The following RAB44 variants were observed in gnomAD, a reference collection of about 807,000 sequenced individuals.
RAB44 encodes the protein ras-related protein Rab-44.
RAB44 carries 67 observed loss-of-function variants against 93.3 expected under a neutral mutation model. The ratio of observed to expected loss-of-function variants is 0.72; its 90% CI spans 0.59 to 0.88. RAB44 has a LOEUF of 0.88. Among genes scored for constraint, RAB44 ranks in the 40% least tolerant of loss-of-function variants. The pLI is 0.00. For missense variants in RAB44, 1,064 were observed against 1,261.7 expected (o/e 0.84, Z 2.37); for synonymous variants, 427 against 520.3 (o/e 0.82, Z 2.44).
At chr6:36,702,326 G>C in intron 1 of RAB44, among the ~76,000 whole-genome samples, 1 of 76,730 alleles carries the variant, frequency 1.3e-5, no homozygotes, top group Admixed American at 1.2e-4. Context: ...GAGAGAGAGA[G>C]AGAGAGAGAG....
intron 11 of RAB44, 142 bp from the exon 12 acceptor site, chr6:36,728,558 G>T (rs1763289618): frequency 4.6e-6 from 3 of 653,548 alleles, no homozygotes; most frequent in Non-Finnish European, 8.3e-6. Flanking sequence ...ATGGGGGAAA[G>T]GGTCCAGGTG....
At position 36,722,477 on chromosome 6, in the gene RAB44, T is replaced by C. The variant is rs188479306; in HGVS notation, c.2343T>C (p.Thr781=). The change falls in exon 9 of 14, where the codon ACT becomes ACC. Residue 781 remains threonine (T), a synonymous_variant. Coordinates refer to ENST00000612677, the MANE Select transcript of RAB44 (RefSeq NM_001257357.2). ...CCCAACCCAGGCCATCCCTCACGACTGCTCACGCAGAAGAACAAGGCCCGC... is the reference window on the plus strand; with the variant it reads ...CCCAACCCAGGCCATCCCTCACGACCGCTCACGCAGAAGAACAAGGCCCGC... ...QEAQPRPSLT[T]AHAEEQGPPH... 1.3e-4 allele frequency: 197 copies of C among 1,470,478 alleles called. 1 individual carries two copies. In the African/African-American group the frequency reaches 2.3e-3, roughly 17 times the overall value. The allele number at this position is 1,470,478 out of a possible 1,614,324, so 91.1% of individuals were successfully genotyped here.
rs1023432416 is a variant in RAB44 at position 36,731,255 on chromosome 6, C to T, written c.2975+506C>T. On this transcript the variant is annotated intron_variant, in intron 13 of 13. Transcript: ENST00000612677. This position sits in a 1 kb window ranked among gnomAD's most constrained non-coding sequence, Gnocchi z 4.0. ...CTCAGAGACTCCCTCCCTGATCACC[C>T]ACCTGCCATCACTATTTTGGATCAC... 6.6e-6 allele frequency among the ~76,000 whole-genome samples: 1 copy of T among 152,100 alleles called. No homozygotes were observed. Among genetic ancestry groups the T allele is most frequent in the African/African-American group, 2.4e-5 (1 of 41,404 alleles).
chr6:36,721,413 GATCCAGATGGGGCTCC>G lies in RAB44; in HGVS notation c.1281_1296del (p.Asp427GlufsTer7). The G allele has an allele frequency of 3.2e-6, 4 of 1,234,328 alleles. No individual in the cohort carries two copies. Among genetic ancestry groups the G allele is most frequent in the Non-Finnish European group, 4.0e-6 (4 of 988,234 alleles). 76.5% of individuals were successfully genotyped at this position (1,234,328 alleles called of 1,614,324 possible). ...TCTATTTGGTCAGGAGCCATCTTCA[GATCCAGATGGGGCTCC>G]AAGGACCCCACCTGGGGTGACTTTC... is the stretch of plus-strand genomic sequence containing the variant. On this transcript the variant is annotated frameshift_variant, in exon 9 of 14. Coordinates refer to ENST00000612677, the MANE Select transcript of RAB44 (RefSeq NM_001257357.2). LOFTEE classifies it high-confidence loss of function.
At chr6:36,703,036 A>G (rs1437692023) in intron 1 of RAB44, among the ~76,000 whole-genome samples, 1 of 152,202 alleles carries the variant, frequency 6.6e-6, no homozygotes, top group Non-Finnish European at 1.5e-5. Context: ...ATACCATAGA[A>G]TGGGAAATTT....
intron 1 of RAB44, among the ~76,000 whole-genome samples, chr6:36,703,900 T>C (rs964849320): frequency 6.6e-6 from 1 of 152,122 alleles, no homozygotes; most frequent in Non-Finnish European, 1.5e-5. Context: ...CTGCGTGCGG[T>C]GAATAGGATA....
At chr6:36,715,372 G>C (rs1235059323) in intron 3 of RAB44, 107 bp from the exon 4 acceptor site, 4 of 972,598 alleles carry the variant, frequency 4.1e-6, no homozygotes, top group Non-Finnish European at 6.0e-6. Context: ...AAATGTGACT[G>C]GCACAGGTAG....
At chr6:36,710,204 A>T (rs1762746678) in intron 2 of RAB44, among the ~76,000 whole-genome samples, 1 of 152,014 alleles carries the variant, frequency 6.6e-6, no homozygotes, top group South Asian at 2.1e-4. Flanking sequence ...TAACTCCCAT[A>T]CTTCCCTCTC....
chr6:36,721,228 G>A lies in RAB44; in HGVS notation c.1094G>A (p.Gly365Glu). Residue 365 changes from glycine to glutamate, a missense_variant, in exon 9 of 14, where the codon GGG becomes GAG. Physicochemically the swap from Gly to Glu is moderately conservative, Grantham distance 98 (BLOSUM62 -2). Transcript: ENST00000612677. ...GAGGCCCCCCTGCCTGGGCTATTTG[G>A]GGACAACGATGACTGGGACCAGCTA... is the stretch of plus-strand genomic sequence containing the variant. ...PEEAPLPGLF[G>E]DNDDWDQLLS... The A allele has an allele frequency of 8.2e-7, 1 of 1,220,234 alleles. No individual in the cohort carries two copies. The highest frequency in any genetic ancestry group is 3.2e-5 in the East Asian group (1 of 31,634). 75.6% of individuals were successfully genotyped at this position (1,220,234 alleles called of 1,614,324 possible).
intron 9 of RAB44, among the ~76,000 whole-genome samples, chr6:36,723,767 G>A (rs1222215742): frequency 2.7e-5 from 4 of 147,966 alleles, no homozygotes; most frequent in African/African-American, 5.0e-5. Context: ...CCCAGGAGGC[G>A]GTGCTTGCAG....
Position 36,726,036 on chromosome 6 carries a change from G to A in RAB44, c.2681+93G>A, listed in dbSNP as rs1369982347. 1.5e-5 allele frequency: 14 copies of A among 954,584 alleles called. No homozygotes were observed. In the African/African-American group the frequency reaches 2.3e-4, roughly 15 times the overall value. 59.1% of individuals were successfully genotyped at this position (954,584 alleles called of 1,614,324 possible). On this transcript the variant is annotated intron_variant, in intron 10 of 13. Transcript: ENST00000612677. ...GCAGCCCTAATAACACAGGCAGGAG[G>A]CAACTGCCCCCCAAGGATTCAGGAG...
In RAB44 at chr6:36,731,975, A is replaced by C. The variant is rs781488499; in HGVS notation, c.2976-28A>C. Reference sequence around the variant, plus strand: ...GTGCTGCCCGTAGGAGGTGAGAGAGAGGCCTGATGCCTGGCACTGTCACAT... The same window carrying C: ...GTGCTGCCCGTAGGAGGTGAGAGAGCGGCCTGATGCCTGGCACTGTCACAT... On this transcript the variant is annotated intron_variant, in intron 13 of 13. Transcript: ENST00000612677. This position sits in a 1 kb window ranked among gnomAD's most constrained non-coding sequence, Gnocchi z 4.0. The C allele has an allele frequency of 1.6e-5, 20 of 1,227,072 alleles. 1 individual carries two copies. The highest frequency in any genetic ancestry group is 1.9e-5 in the Non-Finnish European group (19 of 982,740). 76.0% of individuals were successfully genotyped at this position (1,227,072 alleles called of 1,614,324 possible).
At position 36,718,560 on chromosome 6, in the gene RAB44, T is replaced by A. The variant is rs940567619; in HGVS notation, c.800T>A (p.Val267Glu). The A allele has an allele frequency of 4.9e-5, 61 of 1,234,084 alleles. No individual in the cohort carries two copies. Among genetic ancestry groups the A allele is most frequent in the Non-Finnish European group, 6.1e-5 (60 of 988,146 alleles). The allele number at this position is 1,234,084 out of a possible 1,614,324, so 76.4% of individuals were successfully genotyped here. A position where few individuals can be genotyped will look rare whatever the true frequency, so the allele number is the denominator to read the frequency against. Residue 267 changes from valine to glutamate, a missense_variant, in exon 7 of 14, where the codon GTG becomes GAG. Coordinates refer to ENST00000612677, the MANE Select transcript of RAB44 (RefSeq NM_001257357.2). ...QDVLEAKERE[V>E]QRLAEGQREL... ...GTCCTAGAGGCCAAGGAGCGCGAGG[T>A]GCAGCGACTAGCTGAGGGCCAGAGG...
intron 1 of RAB44, among the ~76,000 whole-genome samples, chr6:36,699,296 C>A (rs1000559365): frequency 6.6e-6 from 1 of 152,078 alleles, no homozygotes; most frequent in South Asian, 2.1e-4. Flanking sequence ...TAGGAACTCC[C>A]AGAAAGGAAA....
At chr6:36,725,705 C>A in intron 9 of RAB44, 157 bp from the exon 10 acceptor site, 1 of 617,612 alleles carries the variant, frequency 1.6e-6, no homozygotes, top group Non-Finnish European at 3.1e-6. Context: ...AGTGGGTCCT[C>A]GAGTATGGAT....
chr6:36,714,735 G>A (rs879598684), intron 3 of RAB44, among the ~76,000 whole-genome samples: 2 of 152,208 alleles, frequency 1.3e-5, no homozygotes, highest in Non-Finnish European at 2.9e-5. Flanking sequence ...CTTCATTCCT[G>A]AATCGAATCA....
chr6:36,704,155 G>T, intron 1 of RAB44, 69 bp from the exon 2 acceptor site: 1 of 1,328,048 alleles, frequency 7.5e-7, no homozygotes, highest in Non-Finnish European at 1.0e-6. Flanking sequence ...GGGAGCCAGG[G>T]GAGGGTTTTG....
intron 10 of RAB44, among the ~76,000 whole-genome samples, chr6:36,726,166 T>G (rs978419662): frequency 6.6e-6 from 1 of 152,250 alleles, no homozygotes; most frequent in South Asian, 2.1e-4. Flanking sequence ...CCCAACATGG[T>G]CATTAGGGGA....
In RAB44 at chr6:36,717,318, G is replaced by A. The variant is rs900122022; in HGVS notation, c.540G>A (p.Glu180=). 21 of 1,232,086 alleles carry A rather than the reference G, an allele frequency of 1.7e-5. No individual in the cohort carries two copies. The African/African-American group carries it at 3.3e-4, about 19-fold the overall frequency. The allele number at this position is 1,232,086 out of a possible 1,614,324, so 76.3% of individuals were successfully genotyped here. A position where few individuals can be genotyped will look rare whatever the true frequency, so the allele number is the denominator to read the frequency against. ...TGTGGGGGCAGCTGCGGCAGGAGGA[G>A]CCCCAGCTGGCAGGCAACCTGGCAG... ...WQLWGQLRQE[E]PQLAGNLAGF... Residue 180 remains glutamate, a synonymous_variant, in exon 5 of 14, where the codon GAG becomes GAA. Transcript: ENST00000612677. This position sits in a 1 kb window ranked among gnomAD's most constrained non-coding sequence, Gnocchi z 4.1.
Sources: gnomAD v4.1 joint callset for allele counts (sites outside exome capture counted in the v4.1 genomes callset) on GRCh38, gnomAD v4.1.1 for gene constraint, Gnocchi (gnomAD v3.1) non-coding constraint, MANE v1.5 for transcripts, NCBI Gene and HGNC (gene_info 2026-07-23, HGNC 2026-07-21) for gene names.